The following PFKFB3 variants were observed in gnomAD, a reference collection of about 807,000 sequenced individuals.
PFKFB3 encodes the protein 6-phosphofructo-2-kinase/fructose-2,6-bisphosphatase 3.
PFKFB3 carries 33 observed loss-of-function variants against 68.0 expected under a neutral mutation model. That is an observed-to-expected ratio of 0.49 (90% CI 0.37 to 0.65). The LOEUF (loss-of-function observed/expected upper bound fraction) is 0.65. PFKFB3 is among the 30% of genes least tolerant of loss of function. The pLI, the probability that PFKFB3 is intolerant of heterozygous loss-of-function variation, is 0.00. For synonymous variants in PFKFB3, 315 were observed against 288.2 expected, an observed-to-expected ratio of 1.09 and a Z score of -0.94; for missense variants, 586 against 712.2, an observed-to-expected ratio of 0.82 and a Z score of 2.02.
chr10:6,154,055 G>A lies in PFKFB3; in HGVS notation c.16+9042G>A, dbSNP rs569537266. 5.3e-5 allele frequency among the ~76,000 whole-genome samples: 8 copies of A among 152,230 alleles called. No individual in the cohort carries two copies. The highest frequency in any genetic ancestry group is 1.9e-4 in the East Asian group (1 of 5,182). ...GAGGCAAAGGTCCTGTGGCCAGAGC[G>A]GCTGAGTGCAGGAGGAACCTGCGGG... On this transcript the variant is annotated intron_variant, in intron 1 of 14. Coordinates refer to the PFKFB3 transcript ENST00000379789. The surrounding 1 kb of genome is among the most constrained non-coding windows in gnomAD (Gnocchi z 4.6).
At position 6,220,872 on chromosome 10, in the gene PFKFB3, G is replaced by T; in HGVS notation, c.831+7G>T. 1 of 1,609,176 alleles carries T rather than the reference G, an allele frequency of 6.2e-7. No homozygotes were observed. The highest frequency in any genetic ancestry group is 8.5e-7 in the Non-Finnish European group (1 of 1,179,792). ...GTCCAGCCGGGGCAAGAAGGTGCGG[G>T]GTGTGCTGCCGCATGGGCCGTTCTG... On this transcript the variant is annotated splice_region_variant and intron_variant, in intron 8 of 14. Coordinates refer to ENST00000379775, the MANE Select transcript of PFKFB3 (RefSeq NM_004566.4). The surrounding 1 kb of genome is among the most constrained non-coding windows in gnomAD (Gnocchi z 4.1).
intron 1 of PFKFB3, among the ~76,000 whole-genome samples, chr10:6,178,363 C>T (rs936341967): frequency 1.3e-4 from 20 of 152,180 alleles, no homozygotes; most frequent in Admixed American, 9.8e-4. Context: ...GCCCTGTCCT[C>T]TTGGGGAGAC....
In PFKFB3 at chr10:6,215,139, T is replaced by A; in HGVS notation, c.203-82T>A. 8.1e-7 allele frequency: 1 copy of A among 1,231,276 alleles called. No individual in the cohort carries two copies. The highest frequency in any genetic ancestry group is 1.8e-5 in the Admixed American group (1 of 56,752). The allele number at this position is 1,231,276 out of a possible 1,614,324, so 76.3% of individuals were successfully genotyped here. A position where few individuals can be genotyped will look rare whatever the true frequency, so the allele number is the denominator to read the frequency against. ...GTGTGGTTGGCCTGGTGGCTCTTCCTTTGGTCGATCCTATGGTCCCGGTGT... is the reference window on the plus strand; with the variant it reads ...GTGTGGTTGGCCTGGTGGCTCTTCCATTGGTCGATCCTATGGTCCCGGTGT... On this transcript the variant is annotated intron_variant, in intron 2 of 14. Coordinates refer to ENST00000379775, the MANE Select transcript of PFKFB3 (RefSeq NM_004566.4). The surrounding 1 kb of genome is among the most constrained non-coding windows in gnomAD (Gnocchi z 4.3).
the PFKFB3 span, chr10:6,293,511 A>G: frequency 1.6e-5 from 3 of 192,066 alleles, no homozygotes; most frequent in African/African-American, 7.2e-5. Context: ...ATGCCTGGCT[A>G]ATTTTTGTAG....
At chr10:6,262,462 A>AT in the PFKFB3 span, among the ~76,000 whole-genome samples, 1 of 144,140 alleles carries the variant, frequency 6.9e-6, no homozygotes, top group African/African-American at 2.5e-5. Context: ...CAAAAAAAAA[A>AT]AAAAAAAAAA....
intron 1 of PFKFB3, among the ~76,000 whole-genome samples, chr10:6,183,943 C>G (rs7067727): frequency 0.51 from 76,986 of 151,564 alleles, 20,452 homozygotes; most frequent in African/African-American, 0.67. Flanking sequence ...ACCCGCCTCG[C>G]CCTCCCAAAG....
intron 14 of PFKFB3, among the ~76,000 whole-genome samples, chr10:6,253,582 A>G (rs1322343370): frequency 6.6e-6 from 1 of 152,050 alleles, no homozygotes; most frequent in Non-Finnish European, 1.5e-5. Context: ...ATGAGCTCAG[A>G]AATGTCTTCC....
At chr10:6,302,443 G>A in the PFKFB3 span, among the ~76,000 whole-genome samples, 1 of 125,304 alleles carries the variant, frequency 8.0e-6, no homozygotes, top group East Asian at 2.5e-4. Context: ...GTGCAGTGGT[G>A]CAACCTTGGC....
chr10:6,215,328 G>A lies in PFKFB3; in HGVS notation c.299+11G>A, dbSNP rs780448773. 2.5e-6 allele frequency: 4 copies of A among 1,606,584 alleles called. No individual in the cohort carries two copies. In the South Asian group the frequency reaches 3.3e-5, roughly 13 times the overall value. On this transcript the variant is annotated intron_variant, in intron 3 of 14. Transcript: ENST00000379775. The surrounding 1 kb of genome is among the most constrained non-coding windows in gnomAD (Gnocchi z 4.3). ...CATGAAAGTCCGGAAGTAAGGCTGG[G>A]CCGCGGGCGTAGGGCTGGGCTGTGG...
the PFKFB3 span, among the ~76,000 whole-genome samples, chr10:6,260,755 G>A: frequency 6.6e-6 from 1 of 152,068 alleles, no homozygotes; most frequent in Non-Finnish European, 1.5e-5. Flanking sequence ...GTATTTTATT[G>A]TATGAATATA....
At position 6,203,081 on chromosome 10, in the gene PFKFB3, G is replaced by C; in HGVS notation, c.-180G>C. 7.0e-7 allele frequency: 1 copy of C among 1,419,894 alleles called. No individual in the cohort carries two copies. Among genetic ancestry groups the C allele is most frequent in the African/African-American group, 1.5e-5 (1 of 66,356 alleles). The allele number at this position is 1,419,894 out of a possible 1,614,324, so 88.0% of individuals were successfully genotyped here. On this transcript the variant is annotated 5_prime_UTR_variant, in exon 1 of 15. Transcript: ENST00000379775. ...ACCCTCGCAGCACACGTCGAGCCCC[G>C]CACAGGCGAGGGTCCGGAACTTAGC...
the PFKFB3 span, among the ~76,000 whole-genome samples, chr10:6,263,635 G>T: frequency 6.6e-6 from 1 of 152,204 alleles, no homozygotes; most frequent in Admixed American, 6.5e-5. Context: ...GAATTACAAT[G>T]CAGGACAAAG....
chr10:6,302,688 T>C, the PFKFB3 span, among the ~76,000 whole-genome samples: 1 of 151,788 alleles, frequency 6.6e-6, no homozygotes, highest in Non-Finnish European at 1.5e-5. Flanking sequence ...CCCATACTTG[T>C]GGTTTTTCTA....
the PFKFB3 span, among the ~76,000 whole-genome samples, chr10:6,280,052 A>G: frequency 2.0e-5 from 3 of 152,182 alleles, no homozygotes; most frequent in Non-Finnish European, 4.4e-5. Flanking sequence ...CACAGCGGAC[A>G]CACCTGGCTC....
In PFKFB3 at chr10:6,213,746, A is replaced by G; in HGVS notation, c.200A>G (p.Lys67Arg). ...RYLNWIGVPT[K>R]VFNVGEYRRE... is the part of the protein sequence containing the mutation. The stretch of plus-strand genomic sequence containing the variant: ...CTCAACTGGATTGGCGTCCCCACAA[A>G]AGGTGAGACTGGGTCTCGAGGCCGG... The change falls in exon 2 of 15, where the codon AAA becomes AGA. Residue 67 changes from lysine (K) to arginine (R), a missense_variant and splice_region_variant. By Grantham distance (26) the Lys-to-Arg change is conservative. Transcript: ENST00000379775. 1 of 1,611,778 alleles carries G rather than the reference A, an allele frequency of 6.2e-7. No homozygotes were observed. Among genetic ancestry groups the G allele is most frequent in the Non-Finnish European group, 8.5e-7 (1 of 1,179,080 alleles).
intron 1 of PFKFB3, among the ~76,000 whole-genome samples, chr10:6,158,015 G>A (rs1841858939): frequency 6.6e-6 from 1 of 151,500 alleles, no homozygotes; most frequent in Admixed American, 6.6e-5. Context: ...GCTGGGCGCG[G>A]TGGTTCATGC....
chr10:6,267,981 A>G, the PFKFB3 span, among the ~76,000 whole-genome samples: 1 of 138,900 alleles, frequency 7.2e-6, no homozygotes. Flanking sequence ...AAAAAAATCA[A>G]ATTACTAAGA....
chr10:6,191,319 C>A (rs1843017345), intron 1 of PFKFB3, among the ~76,000 whole-genome samples: 1 of 152,222 alleles, frequency 6.6e-6, no homozygotes, highest in Admixed American at 6.5e-5. Flanking sequence ...CCAGCAGGGA[C>A]CGCTCAAGAC....
chr10:6,250,381 C>T (rs976555293), intron 14 of PFKFB3, among the ~76,000 whole-genome samples: 4 of 151,846 alleles, frequency 2.6e-5, no homozygotes, highest in East Asian at 1.9e-4. Context: ...CTGGCTAACA[C>T]GGTGAAACCC....
Sources: gnomAD v4.1 joint callset for allele counts (sites outside exome capture counted in the v4.1 genomes callset) on GRCh38, gnomAD v4.1.1 for gene constraint, Gnocchi (gnomAD v3.1) non-coding constraint, MANE v1.5 for transcripts, NCBI Gene and HGNC (gene_info 2026-07-23, HGNC 2026-07-21) for gene names.